SLC16A12: variants seen among roughly 807,000 people sequenced by gnomAD.
SLC16A12 encodes monocarboxylate transporter 12.
SLC16A12 carries 17 observed loss-of-function variants against 42.4 expected under a neutral mutation model. The ratio of observed to expected loss-of-function variants is 0.40; its 90% CI spans 0.27 to 0.60. The LOEUF (loss-of-function observed/expected upper bound fraction) is 0.60. SLC16A12 is among the 20% of genes least tolerant of loss of function. The pLI is 0.42. For synonymous variants in SLC16A12, 224 were observed against 229.4 expected (o/e 0.98, Z 0.21); for missense variants, 544 against 623.0 (o/e 0.87, Z 1.35).
chr10:89,483,912 T>A (rs73373216), intron 2 of SLC16A12, among the ~76,000 whole-genome samples: 1,590 of 152,332 alleles, frequency 0.01, 27 homozygotes, highest in African/African-American at 0.036. Context: ...TGTGGTCAAG[T>A]GCATAGTCTT....
At chr10:89,554,029 A>AAAGG (rs1404150160) in intron 2 of SLC16A12, among the ~76,000 whole-genome samples, 2 of 127,846 alleles carry the variant, frequency 1.6e-5, no homozygotes, top group African/African-American at 6.0e-5. Context: ...AGAAAGAGAG[A>AAAGG]AAGGAAGAAA....
intron 2 of SLC16A12, among the ~76,000 whole-genome samples, chr10:89,547,064 A>G (rs1225481466): frequency 6.6e-6 from 1 of 152,082 alleles, no homozygotes; most frequent in Non-Finnish European, 1.5e-5. Context: ...GGGAACTTAG[A>G]GGACTGGTCA....
At chr10:89,506,905 G>A (rs1195571785) in intron 2 of SLC16A12, among the ~76,000 whole-genome samples, 3 of 151,962 alleles carry the variant, frequency 2.0e-5, no homozygotes, top group East Asian at 1.9e-4. Context: ...GCTGAAAAAC[G>A]CAGCATAAGA....
In SLC16A12 at chr10:89,439,035, T is replaced by C. The variant is rs768231064; in HGVS notation, c.597A>G (p.Glu199=). ...GTAAGGCTCCCCGCCAGGAAAACTG[T>C]TCAATAAGGAGCTGAACCACAGGAG... ...ILAPVVQLLI[E]QFSWRGALLI... Residue 199 remains glutamate (E), a synonymous_variant, in exon 6 of 8, where the codon GAA becomes GAG. Coordinates refer to ENST00000371790, the MANE Select transcript of SLC16A12 (RefSeq NM_213606.4). The C allele has an allele frequency of 1.9e-6, 3 of 1,613,932 alleles. No homozygotes were observed. Among genetic ancestry groups the C allele is most frequent in the Non-Finnish European group, 2.5e-6 (3 of 1,179,938 alleles).
In SLC16A12 at chr10:89,430,786, T is replaced by G. The variant is rs1346256396; in HGVS notation, c.*2278A>C. The G allele has an allele frequency of 6.7e-6, 3 of 447,492 alleles. No homozygotes were observed. Among genetic ancestry groups the G allele is most frequent in the South Asian group, 5.0e-5 (3 of 60,600 alleles). The allele number at this position is 447,492 out of a possible 1,614,324, so 27.7% of individuals were successfully genotyped here. A position where few individuals can be genotyped will look rare whatever the true frequency, so the allele number is the denominator to read the frequency against. ...TTCTGATCACTATGCTTATTTTTCA[T>G]AAATACTTGTAATACTTCACAGAAA... On this transcript the variant is annotated 3_prime_UTR_variant, in exon 8 of 8. Transcript: ENST00000371790.
chr10:89,434,446 G>A (rs572754207), intron 7 of SLC16A12, among the ~76,000 whole-genome samples: 32 of 152,246 alleles, frequency 2.1e-4, no homozygotes, highest in South Asian at 4.1e-4. Flanking sequence ...TATGAAAGGA[G>A]GATGTGGGAA....
chr10:89,476,336 G>A (rs150196166), intron 2 of SLC16A12, among the ~76,000 whole-genome samples: 99 of 152,252 alleles, frequency 6.5e-4, no homozygotes, highest in African/African-American at 2.2e-3. Flanking sequence ...GCTGCCATCC[G>A]CCATGCTGTT....
chr10:89,450,458 T>C (rs1262639487), intron 3 of SLC16A12, among the ~76,000 whole-genome samples: 1 of 152,230 alleles, frequency 6.6e-6, no homozygotes, highest in South Asian at 2.1e-4. Context: ...ATGTCGTTTG[T>C]AGGGACATGG....
chr10:89,477,507 T>C (rs1203260653), intron 2 of SLC16A12, among the ~76,000 whole-genome samples: 1 of 143,822 alleles, frequency 7.0e-6, no homozygotes, highest in African/African-American at 2.6e-5. Context: ...GAGGTTGCGT[T>C]GAGCCGAGAT....
chr10:89,449,661 GA>G (rs1008335528), intron 3 of SLC16A12, among the ~76,000 whole-genome samples: 127 of 152,242 alleles, frequency 8.3e-4, no homozygotes, highest in African/African-American at 3.0e-3. Context: ...AACCCTAGAA[GA>G]AAACCTAGGC....
At chr10:89,445,333 C>T (rs1018857227) in intron 3 of SLC16A12, among the ~76,000 whole-genome samples, 2 of 152,208 alleles carry the variant, frequency 1.3e-5, no homozygotes, top group African/African-American at 2.4e-5. Context: ...CCCGTAGGGG[C>T]CAACTGACAC....
intron 2 of SLC16A12, among the ~76,000 whole-genome samples, chr10:89,515,922 A>G (rs1218360847): frequency 1.3e-5 from 2 of 152,242 alleles, no homozygotes; most frequent in Admixed American, 6.5e-5. Flanking sequence ...TGCAGAGCCA[A>G]TTATATCTTA....
At chr10:89,524,206 A>T (rs1359177708) in intron 2 of SLC16A12, among the ~76,000 whole-genome samples, 4 of 152,222 alleles carry the variant, frequency 2.6e-5, no homozygotes. Flanking sequence ...CACCATTTTA[A>T]CAGACCCTCT....
Position 89,533,626 on chromosome 10 carries a change from C to T in SLC16A12, c.-47+875G>A, listed in dbSNP as rs188258280. Among the ~76,000 whole-genome samples the T allele has an allele frequency of 1.4e-4, 22 of 152,156 alleles. No homozygotes were observed. In the East Asian group the frequency reaches 2.7e-3, roughly 19 times the overall value. On this transcript the variant is annotated intron_variant, in intron 2 of 7. Transcript: ENST00000371790. Reference sequence around the variant, plus strand: ...AGAGGGTGCTGAGAATCAGAAAAGACTCCAAGGAAAGATGGGGGTAGAGTT... The same window carrying T: ...AGAGGGTGCTGAGAATCAGAAAAGATTCCAAGGAAAGATGGGGGTAGAGTT...
intron 2 of SLC16A12, among the ~76,000 whole-genome samples, chr10:89,487,229 C>A (rs1224006070): frequency 6.6e-6 from 1 of 152,078 alleles, no homozygotes; most frequent in Non-Finnish European, 1.5e-5. Context: ...AGGAAATGCC[C>A]AGAATGGTGT....
intron 2 of SLC16A12, among the ~76,000 whole-genome samples, chr10:89,542,388 C>T (rs374744712): frequency 6.6e-6 from 1 of 150,892 alleles, no homozygotes; most frequent in African/African-American, 2.4e-5. Flanking sequence ...TGGCAACTGC[C>T]GTCTCCTGGA....
chr10:89,486,085 C>T (rs1290697348), intron 2 of SLC16A12, among the ~76,000 whole-genome samples: 1 of 152,000 alleles, frequency 6.6e-6, no homozygotes, highest in Non-Finnish European at 1.5e-5. Context: ...GGCAGAAATC[C>T]CTGGCATTTA....
chr10:89,521,406 T>C (rs1589724498), intron 2 of SLC16A12, among the ~76,000 whole-genome samples: 1 of 152,332 alleles, frequency 6.6e-6, no homozygotes, highest in East Asian at 1.9e-4. Context: ...TTTCTAAGCT[T>C]ACATCAGATC....
At chr10:89,492,457 C>T (rs1213884674) in intron 2 of SLC16A12, among the ~76,000 whole-genome samples, 1 of 152,052 alleles carries the variant, frequency 6.6e-6, no homozygotes, top group East Asian at 1.9e-4. Context: ...TAGCTGGGCG[C>T]AGTGGCTCAC....
Sources: allele counts gnomAD v4.1 joint callset (sites outside exome capture counted in the v4.1 genomes callset), GRCh38; gene constraint gnomAD v4.1.1; transcripts MANE v1.5; gene names NCBI Gene and HGNC (gene_info 2026-07-23, HGNC 2026-07-21).